The following CDKAL1 variants were observed in gnomAD, a reference collection of about 807,000 sequenced individuals.
CDKAL1 encodes CDKAL1 threonylcarbamoyladenosine tRNA methylthiotransferase.
Under a neutral mutation model 68.2 loss-of-function variants are expected in CDKAL1, and 32 were observed. The observed-to-expected ratio is 0.47, with a 90% CI of 0.35 to 0.63. The LOEUF (loss-of-function observed/expected upper bound fraction) is 0.63. Among genes scored for constraint, CDKAL1 ranks in the 30% least tolerant of loss-of-function variants. The probability of loss-of-function intolerance (pLI) is 0.00; values close to 1 mark genes in which losing one functional copy is unlikely to be tolerated. For synonymous variants in CDKAL1, 234 were observed against 244.3 expected (o/e 0.96, Z 0.39); for missense variants, 606 against 696.7 (o/e 0.87, Z 1.47).
At chr6:20,642,774 A>G (rs1403513678) in intron 4 of CDKAL1, among the ~76,000 whole-genome samples, 2 of 152,160 alleles carry the variant, frequency 1.3e-5, no homozygotes, top group Admixed American at 6.5e-5. Flanking sequence ...ACTCGATTCC[A>G]AAAGTAATCT....
intron 4 of CDKAL1, among the ~76,000 whole-genome samples, chr6:20,551,738 A>G (rs1473077072): frequency 6.6e-6 from 1 of 152,130 alleles, no homozygotes; most frequent in Admixed American, 6.6e-5. Flanking sequence ...ATGAGTCTTA[A>G]TATTTCTGTC....
chr6:21,133,618 A>C (rs1775436311), intron 13 of CDKAL1, among the ~76,000 whole-genome samples: 2 of 152,216 alleles, frequency 1.3e-5, no homozygotes, highest in Non-Finnish European at 2.9e-5. Flanking sequence ...AGGCTGCATT[A>C]ATCATATCCT....
chr6:20,817,902 T>A (rs1777111892), intron 8 of CDKAL1, among the ~76,000 whole-genome samples: 1 of 152,184 alleles, frequency 6.6e-6, no homozygotes, highest in Non-Finnish European at 1.5e-5. Context: ...GAATGCTTTA[T>A]GATAATAATG....
intron 3 of CDKAL1, among the ~76,000 whole-genome samples, 190 bp downstream of exon 3, chr6:20,546,713 C>A (rs778183149): frequency 6.6e-6 from 1 of 152,072 alleles, no homozygotes; most frequent in Non-Finnish European, 1.5e-5. Flanking sequence ...ACCACCATAC[C>A]TGGCTATTTT....
chr6:21,173,152 C>G (rs534021939), intron 13 of CDKAL1, among the ~76,000 whole-genome samples: 6 of 151,794 alleles, frequency 4.0e-5, no homozygotes, highest in East Asian at 1.9e-4. Context: ...GCATCCCCCC[C>G]ACACACCCAA....
intron 9 of CDKAL1, among the ~76,000 whole-genome samples, chr6:20,902,066 A>G (rs528195962): frequency 2.1e-5 from 3 of 142,582 alleles, no homozygotes; most frequent in African/African-American, 7.3e-5. Flanking sequence ...CTGTCCGTCT[A>G]CAGTAACCAC....
intron 4 of CDKAL1, among the ~76,000 whole-genome samples, chr6:20,570,090 T>A (rs760801285): frequency 6.6e-6 from 1 of 151,970 alleles, no homozygotes; most frequent in Non-Finnish European, 1.5e-5. Context: ...ATTTATTTAT[T>A]TTTATTTTTA....
intron 11 of CDKAL1, among the ~76,000 whole-genome samples, chr6:21,006,021 A>G (rs1201916974): frequency 6.6e-6 from 1 of 152,140 alleles, no homozygotes; most frequent in Non-Finnish European, 1.5e-5. Context: ...TGGCAGGATG[A>G]TGACTGTGAG....
chr6:20,585,152 G>T (rs1765294768), intron 4 of CDKAL1, among the ~76,000 whole-genome samples: 1 of 151,444 alleles, frequency 6.6e-6, no homozygotes, highest in Non-Finnish European at 1.5e-5. Flanking sequence ...CGCCTCCCGG[G>T]TTCACACCAT....
chr6:20,968,405 C>T (rs1112255), intron 10 of CDKAL1, among the ~76,000 whole-genome samples: 12,197 of 152,050 alleles, frequency 0.08, 582 homozygotes, highest in East Asian at 0.19. Flanking sequence ...GTGATCCTCC[C>T]GCCTTGGCCT....
chr6:20,596,598 C>T (rs1467446809), intron 4 of CDKAL1, among the ~76,000 whole-genome samples: 7 of 152,206 alleles, frequency 4.6e-5, no homozygotes, highest in Non-Finnish European at 7.3e-5. Context: ...GCTTGCTGGG[C>T]TCTGTGGGAG....
intron 9 of CDKAL1, among the ~76,000 whole-genome samples, chr6:20,895,472 C>G (rs1761631536): frequency 6.6e-6 from 1 of 152,128 alleles, no homozygotes; most frequent in South Asian, 2.1e-4. Context: ...TTCCATTTCC[C>G]CATACGCTTG....
chr6:20,579,181 G>A (rs141016841), intron 4 of CDKAL1, among the ~76,000 whole-genome samples: 155 of 152,180 alleles, frequency 1.0e-3, no homozygotes, highest in African/African-American at 3.6e-3. Context: ...GGTTCAACTT[G>A]TTGCCCTGGC....
chr6:20,846,212 C>A, intron 9 of CDKAL1, 34 bp downstream of exon 9: 1 of 1,310,070 alleles, frequency 7.6e-7, no homozygotes, highest in South Asian at 1.2e-5. Context: ...TGAAATTAGT[C>A]TTCTTAATAA....
At chr6:20,608,962 A>G (rs907884772) in intron 4 of CDKAL1, among the ~76,000 whole-genome samples, 4 of 152,216 alleles carry the variant, frequency 2.6e-5, no homozygotes, top group Non-Finnish European at 5.9e-5. Flanking sequence ...TTTTCTTCAT[A>G]GGCTTTTTAT....
At chr6:21,015,416 A>G (rs1466035938) in intron 11 of CDKAL1, among the ~76,000 whole-genome samples, 1 of 152,236 alleles carries the variant, frequency 6.6e-6, no homozygotes, top group Non-Finnish European at 1.5e-5. Context: ...AGAAAATACT[A>G]TTATAATTCA....
chr6:20,970,745 C>T (rs2150753513), intron 10 of CDKAL1, among the ~76,000 whole-genome samples: 2 of 152,324 alleles, frequency 1.3e-5, no homozygotes, highest in Middle Eastern at 6.8e-3. Context: ...AAAATGTATA[C>T]TTCTTTAGAT....
chr6:21,040,422 CAAGTT>C (rs1459253415), intron 11 of CDKAL1, among the ~76,000 whole-genome samples: 1 of 152,032 alleles, frequency 6.6e-6, no homozygotes, highest in Non-Finnish European at 1.5e-5. Context: ...GTCTCTCAGT[CAAGTT>C]GAGATTAACT....
intron 13 of CDKAL1, among the ~76,000 whole-genome samples, chr6:21,174,288 CATG>C (rs1777498717): frequency 6.6e-6 from 1 of 152,236 alleles, no homozygotes; most frequent in African/African-American, 2.4e-5. Context: ...GACAGTGTAA[CATG>C]ATGATGATAG....
Sources: allele counts gnomAD v4.1 joint callset (sites outside exome capture counted in the v4.1 genomes callset), GRCh38; gene constraint gnomAD v4.1.1; transcripts MANE v1.5; gene names NCBI Gene and HGNC (gene_info 2026-07-23, HGNC 2026-07-21).